Variants in ABCC4 observed in about 807,000 individuals in gnomAD.
ABCC4 encodes ATP binding cassette subfamily C member 4 (PEL blood group).
ABCC4 carries 102 observed loss-of-function variants against 168.5 expected under a neutral mutation model. The observed-to-expected ratio is 0.61, with a 90% CI of 0.52 to 0.71. ABCC4 has a LOEUF of 0.71. ABCC4 is among the 30% of genes least tolerant of loss of function. The pLI, the probability that ABCC4 is intolerant of heterozygous loss-of-function variation, is 0.00. For synonymous variants in ABCC4, 617 were observed against 590.7 expected (o/e 1.04, Z -0.65); for missense variants, 1,402 against 1,605.8 (o/e 0.87, Z 2.17).
chr13:95,186,971 G>A, intron 10 of ABCC4, 79 bp from the exon 11 acceptor site: 3 of 1,244,972 alleles, frequency 2.4e-6, no homozygotes, highest in Non-Finnish European at 3.2e-6. Context: ...GCCTTGCCCA[G>A]CCCTGGGAGC....
chr13:95,162,737 T>C (rs1020514407), intron 18 of ABCC4, among the ~76,000 whole-genome samples: 3 of 152,214 alleles, frequency 2.0e-5, no homozygotes, highest in Non-Finnish European at 4.4e-5. Context: ...CCAGGGTTTA[T>C]TTAGACAGAA....
chr13:95,082,636 C>T (rs1397960453), intron 21 of ABCC4, among the ~76,000 whole-genome samples: 2 of 152,162 alleles, frequency 1.3e-5, no homozygotes, highest in Admixed American at 1.3e-4. Flanking sequence ...TGTGAGTTTG[C>T]AAAAGTCATA....
intron 1 of ABCC4, among the ~76,000 whole-genome samples, chr13:95,289,490 CAGAGCCACCCT>C (rs1308597241): frequency 2.6e-5 from 4 of 152,194 alleles, no homozygotes; most frequent in Non-Finnish European, 5.9e-5. Context: ...AACACAAGAG[CAGAGCCACCCT>C]CAACAAGGGG....
chr13:95,145,966 CT>C (rs2036480656), intron 19 of ABCC4, among the ~76,000 whole-genome samples: 1 of 152,138 alleles, frequency 6.6e-6, no homozygotes, highest in South Asian at 2.1e-4. Flanking sequence ...AATCCCAGCA[CT>C]TTGGGAGGCC....
chr13:95,071,138 C>A (rs796827109), intron 25 of ABCC4, among the ~76,000 whole-genome samples: 4 of 152,288 alleles, frequency 2.6e-5, no homozygotes, highest in African/African-American at 2.4e-5. Flanking sequence ...TGCCTGCCAT[C>A]ATGAGTCTGA....
intron 1 of ABCC4, among the ~76,000 whole-genome samples, chr13:95,281,087 G>A (rs1341616594): frequency 1.3e-5 from 2 of 151,958 alleles, no homozygotes; most frequent in African/African-American, 2.4e-5. Context: ...TTTGCATGTG[G>A]CTGTAAAAGA....
chr13:95,294,803 A>G (rs1249435515), intron 1 of ABCC4, among the ~76,000 whole-genome samples: 1 of 151,980 alleles, frequency 6.6e-6, no homozygotes, highest in Non-Finnish European at 1.5e-5. Flanking sequence ...AAGTACAAAA[A>G]ATTAGCTGAG....
At chr13:95,270,952 T>C (rs914370561) in intron 1 of ABCC4, among the ~76,000 whole-genome samples, 1 of 152,002 alleles carries the variant, frequency 6.6e-6, no homozygotes, top group Non-Finnish European at 1.5e-5. Context: ...AAAATTAGCC[T>C]GGCATGGTGG....
intron 19 of ABCC4, among the ~76,000 whole-genome samples, chr13:95,131,397 G>A (rs2139452351): frequency 6.6e-6 from 1 of 152,254 alleles, no homozygotes; most frequent in South Asian, 2.1e-4. Flanking sequence ...GGAGGCTGAG[G>A]TGGGCAGATC....
intron 30 of ABCC4, among the ~76,000 whole-genome samples, chr13:95,029,201 TATATATATATATAGAGAGAGAGAG>T (rs1566355367): frequency 7.5e-5 from 5 of 66,358 alleles, no homozygotes; most frequent in African/African-American, 2.4e-4. Flanking sequence ...TATATATATA[TATATATATATATAGAGAGAGAGAG>T]AGAGAGAGAG....
At chr13:95,244,348 C>A (rs1432353976) in intron 3 of ABCC4, among the ~76,000 whole-genome samples, 2 of 151,758 alleles carry the variant, frequency 1.3e-5, no homozygotes, top group African/African-American at 2.4e-5. Flanking sequence ...ATAATCCCAG[C>A]ACTTTGAGAG....
At chr13:95,218,828 G>A (rs568502077) in intron 4 of ABCC4, among the ~76,000 whole-genome samples, 1 of 147,940 alleles carries the variant, frequency 6.8e-6, no homozygotes, top group East Asian at 2.0e-4. Flanking sequence ...TCCAGTCTGG[G>A]CAACAGAGCA....
At chr13:95,219,343 G>A (rs1262757045) in intron 4 of ABCC4, among the ~76,000 whole-genome samples, 1 of 152,178 alleles carries the variant, frequency 6.6e-6, no homozygotes, top group Non-Finnish European at 1.5e-5. Context: ...GAAGAAAAAG[G>A]AAAATATGGA....
chr13:95,218,931 A>G (rs373859168), intron 4 of ABCC4, among the ~76,000 whole-genome samples: 35,744 of 67,970 alleles, frequency 0.53, 6,479 homozygotes, highest in African/African-American at 0.55. Context: ...AAGAAAGAGA[A>G]AGAAAGAAAG....
Position 95,058,594 on chromosome 13 carries a change from A to AAAAAAAAAG in ABCC4, c.3366+4109_3366+4110insCTTTTTTTT, listed in dbSNP as rs2033163283. ...AAAAAAAAAAAAAAAAAAAAAAAAG[A>AAAAAAAAAG]AAAGAAAAAGAAAAAGAAAAGAAAA... On this transcript the variant is annotated intron_variant, in intron 26 of 30. Transcript: ENST00000645237. Among the ~76,000 whole-genome samples, 58 of 41,382 alleles carry AAAAAAAAAG rather than the reference A, an allele frequency of 1.4e-3. 1 individual carries two copies. Among genetic ancestry groups the AAAAAAAAAG allele is most frequent in the African/African-American group, 1.8e-3 (18 of 10,104 alleles). The allele number at this position is 41,382 out of a possible 152,430, so 27.1% of individuals were successfully genotyped here.
At chr13:95,093,819 A>C (rs1384072367) in intron 20 of ABCC4, among the ~76,000 whole-genome samples, 1 of 152,228 alleles carries the variant, frequency 6.6e-6, no homozygotes, top group East Asian at 1.9e-4. Context: ...ATAATTGAGC[A>C]AAGTTTCCAG....
intron 19 of ABCC4, among the ~76,000 whole-genome samples, chr13:95,131,508 A>G (rs1041980706): frequency 3.9e-5 from 6 of 152,176 alleles, no homozygotes; most frequent in African/African-American, 1.4e-4. Context: ...GCACGACTAT[A>G]ATCCCAGCTA....
At chr13:95,121,489 C>T (rs1396652370) in intron 19 of ABCC4, among the ~76,000 whole-genome samples, 1 of 149,488 alleles carries the variant, frequency 6.7e-6, no homozygotes, top group Non-Finnish European at 1.5e-5. Flanking sequence ...CTCACTGGAG[C>T]CTTGACCTCC....
At chr13:95,051,153 T>C (rs1323824281) in intron 27 of ABCC4, among the ~76,000 whole-genome samples, 3 of 152,190 alleles carry the variant, frequency 2.0e-5, no homozygotes, top group Non-Finnish European at 4.4e-5. Flanking sequence ...GGAGGTGAAG[T>C]AATCGACCTA....
Sources: gnomAD v4.1 joint callset for allele counts (sites outside exome capture counted in the v4.1 genomes callset) on GRCh38, gnomAD v4.1.1 for gene constraint, MANE v1.5 for transcripts, NCBI Gene and HGNC (gene_info 2026-07-23, HGNC 2026-07-21) for gene names.